Variants in LPIN2 observed in about 807,000 individuals in gnomAD.
The protein encoded by LPIN2 is lipin 2.
A neutral mutation model predicts 111.4 loss-of-function variants in LPIN2; 55 were observed. The ratio of observed to expected loss-of-function variants is 0.49; its 90% CI spans 0.40 to 0.62. The LOEUF is 0.62. Ranked by LOEUF, LPIN2 falls within the 20% of genes least tolerant of loss-of-function variation. LPIN2 has a pLI of 0.00. For missense variants in LPIN2, 992 were observed against 1,112.1 expected, an observed-to-expected ratio of 0.89 and a Z score of 1.54; for synonymous variants, 425 against 414.0, an observed-to-expected ratio of 1.03 and a Z score of -0.32.
rs751574130 is a variant in LPIN2 at position 2,960,848 on chromosome 18, G to C, written c.-8C>G. Reference sequence around the variant, plus strand: ...CTGTCCCACATAATTCATGGTTTGAGACTACAAGAAACAAAAATTAGATGA... The same window carrying C: ...CTGTCCCACATAATTCATGGTTTGACACTACAAGAAACAAAAATTAGATGA... On this transcript the variant is annotated splice_region_variant and 5_prime_UTR_variant, in exon 2 of 20. Coordinates refer to ENST00000677752, the MANE Select transcript of LPIN2 (RefSeq NM_001375808.2). 1 of 1,612,698 alleles carries C rather than the reference G, an allele frequency of 6.2e-7. No individual in the cohort carries two copies. The highest frequency in any genetic ancestry group is 8.5e-7 in the Non-Finnish European group (1 of 1,179,262).
chr18:2,961,332 A>C (rs567753273), intron 1 of LPIN2, among the ~76,000 whole-genome samples: 7 of 152,362 alleles, frequency 4.6e-5, no homozygotes, highest in African/African-American at 1.7e-4. Flanking sequence ...AGTGAGAGCT[A>C]CATTTTGTAA....
In LPIN2 at chr18:2,951,156, T is replaced by A. The variant is rs2077530580; in HGVS notation, c.489A>T (p.Lys163Asn). 9 of 1,614,080 alleles carry A rather than the reference T, an allele frequency of 5.6e-6. No individual in the cohort carries two copies. Among genetic ancestry groups the A allele is most frequent in the Non-Finnish European group, 6.8e-6 (8 of 1,180,034 alleles). ...KKKKRRRKKY[K>N]QDSKKEEQAA... ...CCTGCTCTTCCTTCTTACTGTCCTG[T>A]TTGTATTTCTTTCTCCTTCGTTTTT... The change falls in exon 4 of 20, where the codon AAA becomes AAT. Residue 163 changes from lysine (K) to asparagine (N), a missense_variant. Physicochemically the swap from Lys to Asn is moderately conservative, Grantham distance 94. Coordinates refer to ENST00000677752, the MANE Select transcript of LPIN2 (RefSeq NM_001375808.2).
At chr18:2,930,573 T>G (rs1275652050) in intron 9 of LPIN2, among the ~76,000 whole-genome samples, 1 of 151,938 alleles carries the variant, frequency 6.6e-6, no homozygotes, top group African/African-American at 2.4e-5. Flanking sequence ...GGAAAGAAAA[T>G]TTTCCCTTAG....
At chr18:2,991,522 G>T (rs919614601) in intron 1 of LPIN2, among the ~76,000 whole-genome samples, 3 of 151,966 alleles carry the variant, frequency 2.0e-5, no homozygotes, top group African/African-American at 7.3e-5. Flanking sequence ...ACCAGTGTAG[G>T]CAACATAGTG....
At chr18:2,965,647 T>C (rs1268852556) in intron 1 of LPIN2, among the ~76,000 whole-genome samples, 2 of 150,754 alleles carry the variant, frequency 1.3e-5, no homozygotes, top group African/African-American at 4.9e-5. Context: ...GGAGAATCGC[T>C]TGAACCCGGG....
intron 4 of LPIN2, among the ~76,000 whole-genome samples, chr18:2,941,878 C>T (rs185156673): frequency 6.2e-4 from 95 of 152,276 alleles, no homozygotes; most frequent in African/African-American, 1.9e-3. Flanking sequence ...GAGCGGAGAT[C>T]GCACCACTGC....
chr18:2,984,818 G>T (rs1487030512), intron 1 of LPIN2, among the ~76,000 whole-genome samples: 1 of 152,072 alleles, frequency 6.6e-6, no homozygotes, highest in Non-Finnish European at 1.5e-5. Context: ...CCCAGTTTCT[G>T]GTTCAGTGCT....
intron 5 of LPIN2, 46 bp from the exon 6 acceptor site, chr18:2,939,649 C>T: frequency 6.2e-7 from 1 of 1,605,568 alleles, no homozygotes. Flanking sequence ...GTCGGGAAAC[C>T]TTCAGTCTTG....
At chr18:2,948,816 T>A (rs2077493379) in intron 4 of LPIN2, among the ~76,000 whole-genome samples, 1 of 145,326 alleles carries the variant, frequency 6.9e-6, no homozygotes, top group Non-Finnish European at 1.5e-5. Flanking sequence ...TGTTTATAAT[T>A]TTTTTTTTTT....
intron 1 of LPIN2, among the ~76,000 whole-genome samples, chr18:3,007,798 A>AG (rs1199795637): frequency 2.0e-5 from 3 of 152,216 alleles, no homozygotes; most frequent in African/African-American, 4.8e-5. Flanking sequence ...CACATACCGG[A>AG]GGGCAATTCA....
chr18:2,996,828 C>T (rs546691269), intron 1 of LPIN2, among the ~76,000 whole-genome samples: 1 of 152,220 alleles, frequency 6.6e-6, no homozygotes, highest in African/African-American at 2.4e-5. Context: ...ATAACAGACC[C>T]ACATCCCACC....
At chr18:2,996,510 C>T (rs140110845) in intron 1 of LPIN2, among the ~76,000 whole-genome samples, 1,558 of 124,836 alleles carry the variant, frequency 0.012, 83 homozygotes, top group Admixed American at 0.1. Context: ...CAGAGTCTCT[C>T]TCTGTCACCC....
chr18:2,945,747 G>A lies in LPIN2; in HGVS notation c.591-5035C>T, dbSNP rs878988284. ...CTTCTCTCCTTCAAATACAATATGC[G>A]CATCTAACAATGTGCTATTTGCTTC... On this transcript the variant is annotated intron_variant, in intron 4 of 19. Transcript: ENST00000677752. 9.1e-5 allele frequency: 107 copies of A among 1,181,612 alleles called. 1 individual carries two copies. The highest frequency in any genetic ancestry group is 5.0e-4 in the South Asian group (41 of 82,160). The allele number at this position is 1,181,612 out of a possible 1,614,324, so 73.2% of individuals were successfully genotyped here.
At chr18:2,958,144 A>AAAAAAG (rs2077643883) in intron 2 of LPIN2, among the ~76,000 whole-genome samples, 1 of 112,628 alleles carries the variant, frequency 8.9e-6, no homozygotes, top group Admixed American at 8.5e-5. Context: ...TCCATCTCAA[A>AAAAAAG]AAAAAAAAAA....
intron 1 of LPIN2, chr18:2,990,815 A>C (rs950127017): frequency 2.5e-6 from 1 of 393,174 alleles, no homozygotes; most frequent in Non-Finnish European, 5.1e-6. Flanking sequence ...CAACAAGGAA[A>C]GATACTTCCT....
intron 1 of LPIN2, among the ~76,000 whole-genome samples, chr18:2,978,060 A>C (rs1213773523): frequency 1.3e-5 from 2 of 152,032 alleles, no homozygotes; most frequent in Non-Finnish European, 2.9e-5. Flanking sequence ...GAGTGGTGGC[A>C]CCTGTAGTCC....
chr18:2,982,284 G>GT (rs1338745200), intron 1 of LPIN2, among the ~76,000 whole-genome samples: 1 of 152,050 alleles, frequency 6.6e-6, no homozygotes, highest in Non-Finnish European at 1.5e-5. Context: ...AACAAAAACT[G>GT]TAACACTTTT....
chr18:3,007,883 A>G (rs910656070), intron 1 of LPIN2, among the ~76,000 whole-genome samples: 1 of 152,214 alleles, frequency 6.6e-6, no homozygotes, highest in Admixed American at 6.5e-5. Context: ...AGCTGTTTGC[A>G]TTCTGGACAC....
At position 2,945,741 on chromosome 18, in the gene LPIN2, A is replaced by G. The variant is rs189855669; in HGVS notation, c.591-5029T>C. The G allele has an allele frequency of 2.0e-5, 24 of 1,197,638 alleles. No individual in the cohort carries two copies. In the East Asian group the frequency reaches 5.6e-4, roughly 28 times the overall value. 74.2% of individuals were successfully genotyped at this position (1,197,638 alleles called of 1,614,324 possible). A position where few individuals can be genotyped will look rare whatever the true frequency, so the allele number is the denominator to read the frequency against. On this transcript the variant is annotated intron_variant, in intron 4 of 19. Transcript: ENST00000677752. ...AAATTCCTTCTCTCCTTCAAATACAATATGCGCATCTAACAATGTGCTATT... is the reference window on the plus strand; with the variant it reads ...AAATTCCTTCTCTCCTTCAAATACAGTATGCGCATCTAACAATGTGCTATT...
Sources: allele counts gnomAD v4.1 joint callset (sites outside exome capture counted in the v4.1 genomes callset), GRCh38; gene constraint gnomAD v4.1.1; transcripts MANE v1.5; gene names NCBI Gene and HGNC (gene_info 2026-07-23, HGNC 2026-07-21).